PALM2AKAP2: variants seen among roughly 807,000 people sequenced by gnomAD.
PALM2AKAP2 encodes the protein PALM2 and AKAP2 fusion.
In PALM2AKAP2, 37 loss-of-function variants were observed where a neutral mutation model predicts 71.5. The observed-to-expected ratio is 0.52, with a 90% CI of 0.40 to 0.68. PALM2AKAP2 has a LOEUF of 0.68. Among genes scored for constraint, PALM2AKAP2 ranks in the 30% least tolerant of loss-of-function variants. The pLI, the probability that PALM2AKAP2 is intolerant of heterozygous loss-of-function variation, is 0.00. For missense variants in PALM2AKAP2, 1,224 were observed against 1,191.8 expected (o/e 1.03, Z -0.40); for synonymous variants, 468 against 478.8 (o/e 0.98, Z 0.29).
At chr9:110,169,949 G>A (rs1254664810) in exon 4 of PALM2AKAP2, 1 of 152,598 alleles carries the variant, frequency 6.6e-6, no homozygotes, top group Non-Finnish European at 1.5e-5. Context: ...TAAAGGCACC[G>A]AGCTGATGCA....
At chr9:110,165,329 C>CACACAT (rs1836710260) in intron 3 of PALM2AKAP2, among the ~76,000 whole-genome samples, 1 of 141,772 alleles carries the variant, frequency 7.1e-6, no homozygotes, top group African/African-American at 2.6e-5. Context: ...CACACACACA[C>CACACAT]GTCTGAATTA....
At chr9:109,730,059 A>C (rs1828532123) in intron 1 of PALM2AKAP2, among the ~76,000 whole-genome samples, 1 of 152,244 alleles carries the variant, frequency 6.6e-6, no homozygotes, top group South Asian at 2.1e-4. Flanking sequence ...AGGAGACAGA[A>C]GTTACCTTGC....
At chr9:110,029,670 T>C (rs1229817886) in intron 7 of PALM2AKAP2, among the ~76,000 whole-genome samples, 5 of 152,200 alleles carry the variant, frequency 3.3e-5, no homozygotes. Flanking sequence ...CAAGGCTCAT[T>C]TGCAAGTACC....
intron 6 of PALM2AKAP2, among the ~76,000 whole-genome samples, chr9:110,007,247 A>G (rs1295989873): frequency 6.6e-6 from 1 of 152,208 alleles, no homozygotes; most frequent in Non-Finnish European, 1.5e-5. Flanking sequence ...CTCTGGTGCC[A>G]TACTACCTTG....
intron 1 of PALM2AKAP2, among the ~76,000 whole-genome samples, chr9:109,822,432 A>G (rs1028474097): frequency 6.6e-6 from 1 of 151,920 alleles, no homozygotes; most frequent in African/African-American, 2.4e-5. Context: ...ATATGGGTAA[A>G]TTGCATGTCA....
exon 2 of PALM2AKAP2, chr9:110,137,135 G>T: frequency 6.2e-7 from 1 of 1,613,532 alleles, no homozygotes; most frequent in South Asian, 1.1e-5. Flanking sequence ...CACAGCCCCT[G>T]CCTCTTCTCA....
upstream of PALM2AKAP2, among the ~76,000 whole-genome samples, chr9:110,045,165 T>C (rs977927331): frequency 1.1e-4 from 16 of 152,056 alleles, no homozygotes; most frequent in African/African-American, 3.9e-4. Context: ...GAAATCTTCA[T>C]CTCCTCTCCC....
intron 3 of PALM2AKAP2, among the ~76,000 whole-genome samples, chr9:109,904,535 T>C (rs897609041): frequency 6.6e-6 from 1 of 152,252 alleles, no homozygotes; most frequent in Non-Finnish European, 1.5e-5. Flanking sequence ...ATGCCTGTAC[T>C]ATTTCTAAAA....
chr9:110,088,066 CACAA>C (rs775422419), intron 1 of PALM2AKAP2, among the ~76,000 whole-genome samples: 8 of 151,980 alleles, frequency 5.3e-5, no homozygotes, highest in Non-Finnish European at 7.4e-5. Context: ...GGACAAAATG[CACAA>C]ACAAAGGAAG....
rs369944578 is a variant in PALM2AKAP2, at chr9:109,995,012, C to T, written c.497-20942C>T. ...GCCACCAGGGCTGCCATGTATAACA[C>T]TGGGTGGATGATTACCCTAAAACCC... On this transcript the variant is annotated intron_variant, in intron 6 of 9. Coordinates refer to the PALM2AKAP2 transcript ENST00000302798. Among the ~76,000 whole-genome samples the T allele has an allele frequency of 1.4e-4, 22 of 152,326 alleles. No homozygotes were observed. In the East Asian group the frequency reaches 2.5e-3, roughly 17 times the overall value.
chr9:110,041,482 G>A (rs980069770), intron 7 of PALM2AKAP2, among the ~76,000 whole-genome samples: 2 of 152,218 alleles, frequency 1.3e-5, no homozygotes, highest in Non-Finnish European at 2.9e-5. Flanking sequence ...GTTTTAAAAT[G>A]TCTTTTAAAG....
chr9:109,699,090 G>C (rs1828015380), intron 1 of PALM2AKAP2, among the ~76,000 whole-genome samples: 1 of 152,164 alleles, frequency 6.6e-6, no homozygotes, highest in Non-Finnish European at 1.5e-5. Context: ...GGCAAGTCGT[G>C]CTTAAAAATA....
intron 1 of PALM2AKAP2, among the ~76,000 whole-genome samples, chr9:110,071,880 A>G (rs1444888004): frequency 6.6e-6 from 1 of 152,194 alleles, no homozygotes. Flanking sequence ...GGACTTGTTC[A>G]TATATGTACA....
rs549297618 is a variant in PALM2AKAP2 at position 109,740,842 on chromosome 9, C to T, written c.6-39646C>T. Among the ~76,000 whole-genome samples the T allele has an allele frequency of 1.9e-4, 29 of 152,204 alleles. No individual in the cohort carries two copies. In the South Asian group the frequency reaches 4.8e-3, roughly 25 times the overall value. On this transcript the variant is annotated intron_variant, in intron 1 of 6. Transcript: ENST00000374531. ...CTAATTTTGGTATTTTTGGTAGAGACGGGGTTTCACTGTGTTGGCCAGGAT... is the reference window on the plus strand; with the variant it reads ...CTAATTTTGGTATTTTTGGTAGAGATGGGGTTTCACTGTGTTGGCCAGGAT...
At chr9:109,831,142 TACACACACAC>T (rs111681992) in intron 1 of PALM2AKAP2, among the ~76,000 whole-genome samples, 11,071 of 135,000 alleles carry the variant, frequency 0.082, 773 homozygotes, top group African/African-American at 0.19. Flanking sequence ...ATACTTCCCC[TACACACACAC>T]ACACACACAC....
intron 1 of PALM2AKAP2, among the ~76,000 whole-genome samples, chr9:109,665,527 C>T (rs955514606): frequency 4.6e-5 from 7 of 152,212 alleles, no homozygotes; most frequent in Non-Finnish European, 8.8e-5. Flanking sequence ...GGCTGCAGAA[C>T]AGCAAATATT....
At chr9:110,073,116 T>A (rs184489224) in intron 1 of PALM2AKAP2, among the ~76,000 whole-genome samples, 1 of 152,340 alleles carries the variant, frequency 6.6e-6, no homozygotes, top group East Asian at 1.9e-4. Flanking sequence ...ATTGATTCTG[T>A]AATTTCTTTT....
intron 6 of PALM2AKAP2, among the ~76,000 whole-genome samples, chr9:109,979,619 T>C (rs1017667526): frequency 1.3e-5 from 2 of 152,228 alleles, no homozygotes; most frequent in Non-Finnish European, 2.9e-5. Flanking sequence ...ATTTCCTCAA[T>C]GCCTAGCATA....
chr9:109,956,682 A>G (rs1418942514), intron 6 of PALM2AKAP2, among the ~76,000 whole-genome samples: 1 of 152,122 alleles, frequency 6.6e-6, no homozygotes, highest in African/African-American at 2.4e-5. Context: ...CATATTTGTT[A>G]TTTTTGTCCT....
Sources: gnomAD v4.1 joint callset for allele counts (sites outside exome capture counted in the v4.1 genomes callset) on GRCh38, gnomAD v4.1.1 for gene constraint, MANE v1.5 for transcripts, NCBI Gene and HGNC (gene_info 2026-07-23, HGNC 2026-07-21) for gene names.